The following PLXNB1 variants were observed in gnomAD, a reference collection of about 807,000 sequenced individuals.
PLXNB1 encodes plexin-B1.
Under a neutral mutation model 209.4 loss-of-function variants are expected in PLXNB1, and 106 were observed. The ratio of observed to expected loss-of-function variants is 0.51; its 90% CI spans 0.43 to 0.59. The LOEUF (loss-of-function observed/expected upper bound fraction) is 0.59, where lower values mean the gene tolerates loss of function less well. Among genes scored for constraint, PLXNB1 ranks in the 20% least tolerant of loss-of-function variants. The pLI, the probability that PLXNB1 is intolerant of heterozygous loss-of-function variation, is 0.00. For missense variants in PLXNB1, 2,357 were observed against 2,853.2 expected, an observed-to-expected ratio of 0.83 and a Z score of 3.96; for synonymous variants, 1,167 against 1,183.2, an observed-to-expected ratio of 0.99 and a Z score of 0.28.
At chr3:48,422,004 G>T in intron 6 of PLXNB1, 101 bp downstream of exon 6, 1 of 1,304,746 alleles carries the variant, frequency 7.7e-7, no homozygotes, top group Non-Finnish European at 1.1e-6. Context: ...GGGATCAGGG[G>T]TTGAGAGTCA....
rs1327134871 is a variant in PLXNB1, at chr3:48,424,117, G to A, written c.495C>T (p.Leu165=). The A allele has an allele frequency of 1.9e-6, 3 of 1,555,968 alleles. No homozygotes were observed. Among genetic ancestry groups the A allele is most frequent in the Admixed American group, 3.8e-5 (2 of 52,184 alleles). The part of the protein sequence containing the change: ...LVAQGLAGEP[L]LFVGRGYTSR... ...TGGTGTATCCTCGCCCCACAAACAG[G>A]AGGGGCTCCCCTGCCAAGCCCTGGG... is the stretch of plus-strand genomic sequence containing the variant. The change falls in exon 3 of 38, where the codon CTC becomes CTT. Residue 165 remains leucine, a synonymous_variant. Transcript: ENST00000296440.
chr3:48,405,726 G>T lies in PLXNB1; in HGVS notation c.6301C>A (p.Gln2101Lys). 1 of 1,612,632 alleles carries T rather than the reference G, an allele frequency of 6.2e-7. No individual in the cohort carries two copies. The highest frequency in any genetic ancestry group is 1.1e-5 in the South Asian group (1 of 90,996). The change falls in exon 37 of 38, where the codon CAG (glutamine) becomes AAG (lysine). Residue 2101 changes from glutamine to lysine, a missense_variant and splice_region_variant. Gln to Lys is a moderately conservative substitution (Grantham distance 53). Around this residue, in one of 7 missense-constraint regions of PLXNB1, gnomAD observed 414 missense variants for 520.5 expected, o/e 0.80. Coordinates refer to ENST00000296440, the MANE Select transcript of PLXNB1 (RefSeq NM_001130082.3). The surrounding 1 kb of genome is among the most constrained non-coding windows in gnomAD (Gnocchi z 5.0). Reference protein sequence around the residue: ...LYKYINKYYDQIITALEEDGT... With the variant: ...LYKYINKYYDKIITALEEDGT... ...GTCGGGGTCCAGGGCCTGCCCACCTGGTCATAGTACTTGTTGATGTACTTG... is the reference window on the plus strand; with the variant it reads ...GTCGGGGTCCAGGGCCTGCCCACCTTGTCATAGTACTTGTTGATGTACTTG...
chr3:48,416,106 GT>G lies in PLXNB1; in HGVS notation c.3541del (p.Thr1181ProfsTer2). On this transcript the variant is annotated frameshift_variant, in exon 18 of 38. Coordinates refer to ENST00000296440, the MANE Select transcript of PLXNB1 (RefSeq NM_001130082.3). LOFTEE classifies it high-confidence loss of function. This position sits in a 1 kb window ranked among gnomAD's most constrained non-coding sequence, Gnocchi z 4.1. ...RGPRAGGTRL[T>X]LNGSKLLTGR... is the part of the protein sequence containing the mutation. ...AGTCAGGAGCTTGGAGCCATTCAGGGTGAGACGGGTGCCCCCAGCTCTGGGG... is the reference window on the plus strand; with the variant it reads ...AGTCAGGAGCTTGGAGCCATTCAGGGGAGACGGGTGCCCCCAGCTCTGGGG... 6.3e-7 allele frequency: 1 copy of G among 1,599,276 alleles called. No individual in the cohort carries two copies.
In PLXNB1 at chr3:48,412,314, T is replaced by C. The variant is rs1356984490; in HGVS notation, c.5034-10A>G. 2.5e-6 allele frequency: 4 copies of C among 1,613,774 alleles called. No individual in the cohort carries two copies. In the African/African-American group the frequency reaches 5.3e-5, roughly 22 times the overall value. On this transcript the variant is annotated splice_polypyrimidine_tract_variant and intron_variant, in intron 26 of 37. Coordinates refer to ENST00000296440, the MANE Select transcript of PLXNB1 (RefSeq NM_001130082.3). ...CACCACAGTCTCTGTCCTGAGATGA[T>C]GGGAAAGGGGAGTGCCAGGGTCAGC... is the stretch of plus-strand genomic sequence containing the variant.
At chr3:48,404,779 C>T (rs375158283) in intron 37 of PLXNB1, among the ~76,000 whole-genome samples, 189 bp from the exon 38 acceptor site, 24 of 152,078 alleles carry the variant, frequency 1.6e-4, no homozygotes, top group African/African-American at 5.6e-4. Flanking sequence ...TCAAAGTCAC[C>T]GCGGGGTTCC....
In PLXNB1 at chr3:48,419,797, C is replaced by T. The variant is rs1470621644; in HGVS notation, c.2489G>A (p.Gly830Glu). ...GGCGGGCTTCACGGAGCCCATGGCC[C>T]CTGGGAAAGTGGTGGCAGGAACAGT... ...PATVPATTFPGAMGSVKPALD... is the reference protein window; with the variant it reads ...PATVPATTFPEAMGSVKPALD... The change falls in exon 11 of 38, where the codon GGG becomes GAG. Residue 830 changes from glycine to glutamate, a missense_variant. Physicochemically the swap from Gly to Glu is moderately conservative, Grantham distance 98. Transcript: ENST00000296440. This position sits in a 1 kb window ranked among gnomAD's most constrained non-coding sequence, Gnocchi z 5.7. 6.3e-7 allele frequency: 1 copy of T among 1,595,112 alleles called. No homozygotes were observed. The highest frequency in any genetic ancestry group is 8.5e-7 in the Non-Finnish European group (1 of 1,170,156).
rs562558830 is a variant in PLXNB1, at chr3:48,427,670, G to A, written c.-59-2337C>T. 1.5e-4 allele frequency among the ~76,000 whole-genome samples: 23 copies of A among 152,160 alleles called. No individual in the cohort carries two copies. In the East Asian group the frequency reaches 2.9e-3, roughly 19 times the overall value. ...ACATGCCCTTCGTTCCTGCCAGCCT[G>A]AACTGCAGGCTGCTTGGCTCCTCCA... On this transcript the variant is annotated intron_variant, in intron 1 of 37. Transcript: ENST00000296440.
Position 48,420,788 on chromosome 3 carries a change from G to A in PLXNB1, c.1920-15C>T. The A allele has an allele frequency of 1.2e-6, 2 of 1,613,408 alleles. No homozygotes were observed. Among genetic ancestry groups the A allele is most frequent in the South Asian group, 1.1e-5 (1 of 91,062 alleles). On this transcript the variant is annotated splice_polypyrimidine_tract_variant and intron_variant, in intron 9 of 37. Coordinates refer to ENST00000296440, the MANE Select transcript of PLXNB1 (RefSeq NM_001130082.3). ...AGGCCTGGCACCTGCACAGAGCACA[G>A]CCATGGGGCAAGGGTCGCCACAGGG... is the stretch of plus-strand genomic sequence containing the variant.
Position 48,421,768 on chromosome 3 carries a change from G to C in PLXNB1, c.1559C>G (p.Pro520Arg), listed in dbSNP as rs747467984. The C allele has an allele frequency of 6.2e-7, 1 of 1,607,984 alleles. No individual in the cohort carries two copies. Among genetic ancestry groups the C allele is most frequent in the Admixed American group, 1.7e-5 (1 of 59,914 alleles). ...CTGGAAGCTCCATAGCCACTGCTCTGGGCCCTGGCCCCTCGAGCACTCAGA... is the reference window on the plus strand; with the variant it reads ...CTGGAAGCTCCATAGCCACTGCTCTCGGCCCTGGCCCCTCGAGCACTCAGA... ...RRSECSRGQG[P>R]EQWLWSFQPE... The change falls in exon 7 of 38, where the codon CCA (proline) becomes CGA (arginine). Residue 520 changes from proline (P) to arginine (R), a missense_variant. Physicochemically the swap from Pro to Arg is moderately radical, Grantham distance 103. Coordinates refer to ENST00000296440, the MANE Select transcript of PLXNB1 (RefSeq NM_001130082.3).
In PLXNB1 at chr3:48,414,819, C is replaced by T. The variant is rs1267375454; in HGVS notation, c.4189G>A (p.Gly1397Arg). 3.7e-6 allele frequency: 6 copies of T among 1,613,890 alleles called. No individual in the cohort carries two copies. The highest frequency in any genetic ancestry group is 4.2e-6 in the Non-Finnish European group (5 of 1,179,988). ...TGTACCTCCACGGAGAACACACTCC[C>T]AGGCTTGTGCCGGAATGGCATGGTG... Reference protein sequence around the residue: ...DPTMPFRHKPGSVFSVEGENL... With the variant: ...DPTMPFRHKPRSVFSVEGENL... Residue 1397 changes from glycine (G) to arginine (R), a missense_variant, in exon 21 of 38, where the codon GGG (glycine) becomes AGG (arginine). By Grantham distance (125) the Gly-to-Arg change is moderately radical (BLOSUM62 -2). Transcript: ENST00000296440.
At chr3:48,421,107 G>T in intron 8 of PLXNB1, 121 bp downstream of exon 8, 1 of 1,342,190 alleles carries the variant, frequency 7.5e-7, no homozygotes. Context: ...TGGTTGGGGA[G>T]TGGGAGGACC....
intron 1 of PLXNB1, among the ~76,000 whole-genome samples, chr3:48,427,273 G>C (rs2038942820): frequency 6.6e-6 from 1 of 152,142 alleles, no homozygotes; most frequent in African/African-American, 2.4e-5. Flanking sequence ...CCACTGAGGA[G>C]GTCGGCCGCT....
chr3:48,414,190 C>T, intron 21 of PLXNB1, 119 bp from the exon 22 acceptor site: 1 of 922,926 alleles, frequency 1.1e-6, no homozygotes, highest in South Asian at 1.4e-5. Flanking sequence ...CCTCTCAGCA[C>T]CCTTCCCGAG....
intron 34 of PLXNB1, among the ~76,000 whole-genome samples, chr3:48,407,641 G>C (rs1222863276): frequency 6.6e-6 from 1 of 152,248 alleles, no homozygotes; most frequent in Non-Finnish European, 1.5e-5. Context: ...TCATCCTAGA[G>C]CTGCTGGGAA....
chr3:48,413,814 T>C lies in PLXNB1; in HGVS notation c.4391A>G (p.Gln1464Arg). 6.2e-7 allele frequency: 1 copy of C among 1,612,962 alleles called. No homozygotes were observed. The highest frequency in any genetic ancestry group is 8.5e-7 in the Non-Finnish European group (1 of 1,179,366). ...CAGGGAGAAGCGCAAGTTCCCCATC[T>C]GCACCTGTGTCAGGAGCCACCTGTG... ...APDSLPEFTVQMGNLRFSLGH... is the reference protein window; with the variant it reads ...APDSLPEFTVRMGNLRFSLGH... Residue 1464 changes from glutamine (Q) to arginine (R), a missense_variant, in exon 23 of 38, where the codon CAG becomes CGG. By Grantham distance (43) the Gln-to-Arg change is conservative. Transcript: ENST00000296440. This position sits in a 1 kb window ranked among gnomAD's most constrained non-coding sequence, Gnocchi z 5.4.
At chr3:48,423,025 C>G in intron 3 of PLXNB1, 78 bp from the exon 4 acceptor site, 2 of 1,309,142 alleles carry the variant, frequency 1.5e-6, no homozygotes, top group Non-Finnish European at 2.1e-6. Context: ...CAACCTCATT[C>G]CCTCCCCCAG....
chr3:48,414,537 C>A (rs921747115), intron 21 of PLXNB1, among the ~76,000 whole-genome samples: 1 of 152,312 alleles, frequency 6.6e-6, no homozygotes, highest in Admixed American at 6.5e-5. Context: ...CTGCACAGGC[C>A]GAACATACAA....
In PLXNB1 at chr3:48,424,453, G is replaced by A. The variant is rs2038771015; in HGVS notation, c.159C>T (p.Asn53=). The A allele has an allele frequency of 6.3e-7, 1 of 1,593,238 alleles. No homozygotes were observed. Among genetic ancestry groups the A allele is most frequent in the Non-Finnish European group, 8.5e-7 (1 of 1,169,708 alleles). ...GCCCAGGGCTCAGCTGGAACAGGAA[G>A]TTGGTAGCCCCCAGGTAGAGGGTGC... ...TSGTLYLGAT[N]FLFQLSPGLQ... The change falls in exon 3 of 38, where the codon AAC becomes AAT. Residue 53 remains asparagine (N), a synonymous_variant. Coordinates refer to ENST00000296440, the MANE Select transcript of PLXNB1 (RefSeq NM_001130082.3).
intron 7 of PLXNB1, 102 bp from the exon 8 acceptor site, chr3:48,421,486 C>T: frequency 7.5e-7 from 1 of 1,328,440 alleles, no homozygotes; most frequent in Non-Finnish European, 1.0e-6. Flanking sequence ...CAATCAACAG[C>T]CCTCAGGCCT....
Sources: gnomAD v4.1 joint callset for allele counts (sites outside exome capture counted in the v4.1 genomes callset) on GRCh38, gnomAD v4.1.1 for gene constraint, gnomAD v4.1.1 regional missense constraint, Gnocchi (gnomAD v3.1) non-coding constraint, MANE v1.5 for transcripts, NCBI Gene and HGNC (gene_info 2026-07-23, HGNC 2026-07-21) for gene names.